The following PLEKHA4 variants were observed in gnomAD, a reference collection of about 807,000 sequenced individuals.
PLEKHA4 encodes the protein pleckstrin homology domain containing A4, also known as pleckstrin homology domain-containing family A member 4.
A neutral mutation model predicts 94.7 loss-of-function variants in PLEKHA4; 73 were observed. The observed-to-expected ratio is 0.77, with a 90% CI of 0.64 to 0.94. The LOEUF (loss-of-function observed/expected upper bound fraction) is 0.94. PLEKHA4 is among the 40% of genes least tolerant of loss of function. PLEKHA4 has a pLI of 0.00. For synonymous variants in PLEKHA4, 449 were observed against 437.1 expected (o/e 1.03, Z -0.34); for missense variants, 1,049 against 1,054.1 (o/e 1.00, Z 0.07).
intron 12 of PLEKHA4, among the ~76,000 whole-genome samples, chr19:48,852,617 A>G (rs1215349141): frequency 6.6e-6 from 1 of 152,074 alleles, no homozygotes; most frequent in Non-Finnish European, 1.5e-5. Context: ...AGATCTAATG[A>G]ATTTCATTAG....
chr19:48,851,681 G>A (rs754031013), intron 13 of PLEKHA4, among the ~76,000 whole-genome samples: 9 of 151,740 alleles, frequency 5.9e-5, no homozygotes, highest in African/African-American at 1.2e-4. Context: ...TAGGTCTGGC[G>A]CAGTGGCTCA....
chr19:48,858,729 T>C, intron 8 of PLEKHA4, 131 bp downstream of exon 8: 1 of 1,047,106 alleles, frequency 9.6e-7, no homozygotes, highest in Non-Finnish European at 1.4e-6. Context: ...CTCTCTCACC[T>C]GAGCCCAGCT....
At chr19:48,853,505 A>T (rs1044894930) in intron 12 of PLEKHA4, among the ~76,000 whole-genome samples, 177 bp downstream of exon 12, 3 of 149,582 alleles carry the variant, frequency 2.0e-5, no homozygotes, top group Non-Finnish European at 3.0e-5. Context: ...TCCCCCCCAA[A>T]AAAAAAAAAA....
At chr19:48,865,939 G>A (rs1279481826) in intron 2 of PLEKHA4, among the ~76,000 whole-genome samples, 11 of 151,346 alleles carry the variant, frequency 7.3e-5, no homozygotes, top group African/African-American at 1.9e-4. Flanking sequence ...GCGAGAACCC[G>A]GGAGGAGGAG....
chr19:48,866,045 G>T (rs2036823847), intron 2 of PLEKHA4, among the ~76,000 whole-genome samples: 1 of 151,710 alleles, frequency 6.6e-6, no homozygotes, highest in Admixed American at 6.6e-5. Flanking sequence ...GAAAGAAAAG[G>T]GTCAAGGTGG....
At chr19:48,845,638 G>C (rs28455995) in intron 14 of PLEKHA4, 22 bp from the exon 15 acceptor site, 2 of 1,452,548 alleles carry the variant, frequency 1.4e-6, no homozygotes, top group South Asian at 2.5e-5. Flanking sequence ...AGAAAAGGGG[G>C]ATAATGATGA....
intron 3 of PLEKHA4, 45 bp downstream of exon 3, chr19:48,865,458 G>A (rs199836822): frequency 1.2e-4 from 172 of 1,468,092 alleles, no homozygotes; most frequent in Non-Finnish European, 1.5e-4. Context: ...GAGGACAGCC[G>A]GGGCACAGAC....
At chr19:48,851,590 C>T (rs142400604) in intron 13 of PLEKHA4, among the ~76,000 whole-genome samples, 1,768 of 150,318 alleles carry the variant, frequency 0.012, 11 homozygotes, top group Middle Eastern at 0.029. Context: ...CACTCCAGCC[C>T]GGGCAACAAG....
rs574626014 is a variant in PLEKHA4 at position 48,861,795 on chromosome 19, G to T, written c.193-103C>A. On this transcript the variant is annotated intron_variant, in intron 3 of 19. Coordinates refer to ENST00000263265, the MANE Select transcript of PLEKHA4 (RefSeq NM_020904.3). ...GAGAGCCAGAGAGAGAAAGAAACTT[G>T]GAGAGAGGAGAACAGAGACATAAAG... 40 of 1,038,482 alleles carry T rather than the reference G, an allele frequency of 3.9e-5. No individual in the cohort carries two copies. The African/African-American group carries it at 5.9e-4, about 15-fold the overall frequency. 64.3% of individuals were successfully genotyped at this position (1,038,482 alleles called of 1,614,324 possible). A position where few individuals can be genotyped will look rare whatever the true frequency, so the allele number is the denominator to read the frequency against.
intron 2 of PLEKHA4, among the ~76,000 whole-genome samples, chr19:48,865,945 A>T (rs866071148): frequency 8.6e-5 from 13 of 150,450 alleles, no homozygotes; most frequent in South Asian, 2.1e-4. Context: ...ACCCGGGAGG[A>T]GGAGCTTGCA....
chr19:48,839,664 A>G (rs1029048691), intron 17 of PLEKHA4, among the ~76,000 whole-genome samples: 5 of 151,978 alleles, frequency 3.3e-5, no homozygotes, highest in Non-Finnish European at 7.4e-5. Flanking sequence ...GGCCTCCCAA[A>G]GTACTGGTAT....
At chr19:48,850,576 G>A (rs1428978751) in intron 13 of PLEKHA4, among the ~76,000 whole-genome samples, 1 of 152,132 alleles carries the variant, frequency 6.6e-6, no homozygotes, top group Admixed American at 6.6e-5. Flanking sequence ...TCAGCACTTT[G>A]GGAAGCTGAG....
Position 48,845,430 on chromosome 19 carries a change from C to T in PLEKHA4, c.1683G>A (p.Arg561=). The T allele has an allele frequency of 6.2e-7, 1 of 1,613,922 alleles. No homozygotes were observed. The highest frequency in any genetic ancestry group is 8.5e-7 in the Non-Finnish European group (1 of 1,180,014). The change falls in exon 16 of 20, where the codon AGG becomes AGA. Residue 561 remains arginine (R), a synonymous_variant. Transcript: ENST00000263265. ...ASPHLGLGSP[R]VSRASSPEGR... ...CCTCAGGGCTGGAAGCCCGGGAGAC[C>T]CTCGGAGACCCAAGACCTGGAAAGA...
rs774360213 is a variant in PLEKHA4 at position 48,841,264 on chromosome 19, CGCTCCAGCT to C, written c.1781_1789del (p.Gln594_Glu596del). The C allele has an allele frequency of 4.3e-6, 7 of 1,613,346 alleles. No homozygotes were observed. In the South Asian group the frequency reaches 7.7e-5, roughly 18 times the overall value. ...TCCACATTCCTGGTTTCTGCGCATC[CGCTCCAGCT>C]GCTCCTGGGCACTCATCCGGGGCCG... On this transcript the variant is annotated inframe_deletion, in exon 17 of 20. Transcript: ENST00000263265.
At chr19:48,861,778 G>T in intron 3 of PLEKHA4, 86 bp from the exon 4 acceptor site, 1 of 1,205,924 alleles carries the variant, frequency 8.3e-7, no homozygotes, top group Non-Finnish European at 1.2e-6. Context: ...CAGAGAGCCA[G>T]AGAGAGAAAG....
At chr19:48,864,246 G>A (rs555224349) in intron 3 of PLEKHA4, among the ~76,000 whole-genome samples, 2 of 150,296 alleles carry the variant, frequency 1.3e-5, no homozygotes, top group African/African-American at 4.9e-5. Flanking sequence ...TCGGCTCACT[G>A]CAACCTCCAC....
At chr19:48,853,356 C>T (rs2036275506) in intron 12 of PLEKHA4, among the ~76,000 whole-genome samples, 2 of 152,040 alleles carry the variant, frequency 1.3e-5, no homozygotes, top group Non-Finnish European at 2.9e-5. Context: ...CATGGCAAAA[C>T]CCCATCTCTA....
intron 16 of PLEKHA4, among the ~76,000 whole-genome samples, chr19:48,844,170 TTC>T (rs1478010341): frequency 2.9e-5 from 4 of 136,928 alleles, no homozygotes; most frequent in Admixed American, 1.5e-4. Context: ...TATTATTATT[TTC>T]GAGACAGAGT....
Position 48,854,203 on chromosome 19 carries a change from C to T in PLEKHA4, c.1095+14G>A, listed in dbSNP as rs755305293. 15 of 1,613,720 alleles carry T rather than the reference C, an allele frequency of 9.3e-6. No individual in the cohort carries two copies. Among genetic ancestry groups the T allele is most frequent in the Non-Finnish European group, 8.5e-7 (1 of 1,179,746 alleles). On this transcript the variant is annotated intron_variant, in intron 10 of 19. Transcript: ENST00000263265. ...TCTGGGAACTCAGCAAGGATTAGAT[C>T]AGTGACAACTTACATCTGTCTCCAA...
Sources: gnomAD v4.1 joint callset for allele counts (sites outside exome capture counted in the v4.1 genomes callset) on GRCh38, gnomAD v4.1.1 for gene constraint, MANE v1.5 for transcripts, NCBI Gene and HGNC (gene_info 2026-07-23, HGNC 2026-07-21) for gene names.